Variants in MEX3D observed in about 807,000 individuals in gnomAD.
MEX3D encodes the protein mex-3 RNA binding family member D, also known as RNA-binding protein MEX3D.
A neutral mutation model predicts 6.3 loss-of-function variants in MEX3D; 4 were observed. The ratio of observed to expected loss-of-function variants is 0.64; its 90% CI spans 0.31 to 1.46. MEX3D has a LOEUF of 1.46. Ranked by LOEUF, MEX3D falls within the 40% of genes most tolerant of loss-of-function variation. The pLI is 0.07. For missense variants in MEX3D, 1,038 were observed against 994.4 expected, an observed-to-expected ratio of 1.04 and a Z score of -0.59; for synonymous variants, 626 against 494.1, an observed-to-expected ratio of 1.27 and a Z score of -3.54.
At chr19:1,558,362 C>G (rs533142606) in intron 1 of MEX3D, among the ~76,000 whole-genome samples, 1 of 148,858 alleles carries the variant, frequency 6.7e-6, no homozygotes, top group African/African-American at 2.5e-5. Context: ...AAAGCCTTGT[C>G]TCAAAAAAAG....
chr19:1,559,107 C>T (rs1914655566), intron 1 of MEX3D, among the ~76,000 whole-genome samples: 1 of 152,020 alleles, frequency 6.6e-6, no homozygotes, highest in African/African-American at 2.4e-5. Context: ...CCCACCTCAG[C>T]CTCCAGAGCT....
rs755133894 is a variant in MEX3D, at chr19:1,556,079, G to A, written c.1440C>T (p.Ala480=). ...AGCAGCCGCTGAAGGCGGGCAAGGG[G>A]GCGGCGCGCTCAAAAGGCGCCCAGA... ...ATIWAPFERA[A]PLPAFSGCST... Residue 480 remains alanine, a synonymous_variant, in exon 2 of 2, where the codon GCC becomes GCT. Coordinates refer to ENST00000402693, the MANE Select transcript of MEX3D (RefSeq NM_203304.4). This position sits in a 1 kb window ranked among gnomAD's most constrained non-coding sequence, Gnocchi z 7.5. The A allele has an allele frequency of 3.4e-5, 49 of 1,431,148 alleles. No individual in the cohort carries two copies. Among genetic ancestry groups the A allele is most frequent in the Non-Finnish European group, 4.4e-5 (48 of 1,091,244 alleles). 88.7% of individuals were successfully genotyped at this position (1,431,148 alleles called of 1,614,324 possible). A position where few individuals can be genotyped will look rare whatever the true frequency, so the allele number is the denominator to read the frequency against.
rs577956877 is a variant in MEX3D at position 1,565,354 on chromosome 19, C to G, written c.595+2110G>C. On this transcript the variant is annotated intron_variant, in intron 1 of 1. Coordinates refer to ENST00000402693, the MANE Select transcript of MEX3D (RefSeq NM_203304.4). ...GTCGGGAGTTCGAGACCAGCCTGGA[C>G]AACATGGTGAAACCCCGTCTCTACT... Among the ~76,000 whole-genome samples, 14 of 152,294 alleles carry G rather than the reference C, an allele frequency of 9.2e-5. No homozygotes were observed. In the South Asian group the frequency reaches 2.7e-3, roughly 29 times the overall value.
rs1446556362 is a variant in MEX3D at position 1,567,429 on chromosome 19, C to A, written c.595+35G>T. 1 of 1,545,378 alleles carries A rather than the reference C, an allele frequency of 6.5e-7. No individual in the cohort carries two copies. Among genetic ancestry groups the A allele is most frequent in the Middle Eastern group, 2.2e-4 (1 of 4,506 alleles). ...TCCCCGGGGCGGACGGTGCGGGGAC[C>A]CCCAGGACAGCAACCCCCGACGAGG... On this transcript the variant is annotated intron_variant, in intron 1 of 1. Coordinates refer to ENST00000402693, the MANE Select transcript of MEX3D (RefSeq NM_203304.4). This position sits in a 1 kb window ranked among gnomAD's most constrained non-coding sequence, Gnocchi z 6.5.
chr19:1,567,693 C>G lies in MEX3D; in HGVS notation c.366G>C (p.Gly122=), dbSNP rs886406554. Residue 122 remains glycine (G), a synonymous_variant, in exon 1 of 2, where the codon GGG becomes GGC. Coordinates refer to ENST00000402693, the MANE Select transcript of MEX3D (RefSeq NM_203304.4). The surrounding 1 kb of genome is among the most constrained non-coding windows in gnomAD (Gnocchi z 6.5). ...PPTLAPAVAP[G]SLPLLDPNAS... is the part of the protein sequence containing the mutation. Reference sequence around the variant, plus strand: ...CGTTGGGGTCCAGCAGCGGCAGCGACCCGGGGGCCACGGCGGGGGCCAGGG... The same window carrying G: ...CGTTGGGGTCCAGCAGCGGCAGCGAGCCGGGGGCCACGGCGGGGGCCAGGG... 2 of 1,117,530 alleles carry G rather than the reference C, an allele frequency of 1.8e-6. No homozygotes were observed. The highest frequency in any genetic ancestry group is 2.2e-6 in the Non-Finnish European group (2 of 908,390). 69.2% of individuals were successfully genotyped at this position (1,117,530 alleles called of 1,614,324 possible). A position where few individuals can be genotyped will look rare whatever the true frequency, so the allele number is the denominator to read the frequency against.
chr19:1,562,524 C>CAAAAGAAAAG (rs367551203), intron 1 of MEX3D, among the ~76,000 whole-genome samples: 11 of 151,256 alleles, frequency 7.3e-5, no homozygotes, highest in African/African-American at 2.7e-4. Context: ...GACTCCGCCT[C>CAAAAGAAAAG]AAAAGAAAAG....
chr19:1,561,255 G>A (rs1040226242), intron 1 of MEX3D, among the ~76,000 whole-genome samples: 1 of 152,216 alleles, frequency 6.6e-6, no homozygotes, highest in African/African-American at 2.4e-5. Context: ...TGTGGGAGCC[G>A]AGGCCACCAG....
rs1297091776 is a variant in MEX3D, at chr19:1,555,560, G to A, written c.*3C>T. The A allele has an allele frequency of 5.7e-6, 9 of 1,570,970 alleles. No individual in the cohort carries two copies. The highest frequency in any genetic ancestry group is 5.2e-6 in the Non-Finnish European group (6 of 1,160,932). On this transcript the variant is annotated 3_prime_UTR_variant, in exon 2 of 2. Coordinates refer to ENST00000402693, the MANE Select transcript of MEX3D (RefSeq NM_203304.4). ...TGGCCCCGGCCACGTGGTGGTCCGC[G>A]CTCTAGGAAAAGATATGAATGGCCT...
In MEX3D at chr19:1,567,852, G is replaced by A. The variant is rs1264129864; in HGVS notation, c.207C>T (p.Leu69=). The A allele has an allele frequency of 6.0e-6, 6 of 1,001,834 alleles. No individual in the cohort carries two copies. Among genetic ancestry groups the A allele is most frequent in the Admixed American group, 5.7e-5 (1 of 17,688 alleles). The allele number at this position is 1,001,834 out of a possible 1,614,324, so 62.1% of individuals were successfully genotyped here. Residue 69 remains leucine, a synonymous_variant, in exon 1 of 2, where the codon CTC becomes CTT. Transcript: ENST00000402693. This position sits in a 1 kb window ranked among gnomAD's most constrained non-coding sequence, Gnocchi z 6.5. The stretch of plus-strand genomic sequence containing the variant: ...CCGTGTCGCCAGCGCCCCCCAGCCC[G>A]AGCGCCGACAGCTGGTCCAGCGCCA... ...LRLALDQLSA[L]GLGGAGDTDE...
intron 1 of MEX3D, among the ~76,000 whole-genome samples, chr19:1,564,197 C>G (rs1241780565): frequency 1.3e-5 from 2 of 152,048 alleles, no homozygotes; most frequent in African/African-American, 2.4e-5. Context: ...TGGGGCAGGT[C>G]AAGTCTGGCA....
intron 1 of MEX3D, among the ~76,000 whole-genome samples, chr19:1,557,425 G>A (rs867492977): frequency 6.6e-6 from 1 of 150,868 alleles, no homozygotes; most frequent in South Asian, 2.1e-4. Context: ...AATCATCCGG[G>A]TGTAGCGGCA....
Position 1,556,400 on chromosome 19 carries a change from C to T in MEX3D, c.1119G>A (p.Trp373Ter). The change falls in exon 2 of 2, where the codon TGG becomes TGA. Residue 373 changes from tryptophan (W) to a stop codon, truncating the protein, a stop_gained. Coordinates refer to ENST00000402693, the MANE Select transcript of MEX3D (RefSeq NM_203304.4). LOFTEE classifies it low-confidence loss of function (END_TRUNC). This position sits in a 1 kb window ranked among gnomAD's most constrained non-coding sequence, Gnocchi z 7.5. Reference protein sequence around the residue: ...LDLLGAAASLWAKTPNQGRRP... With the variant: ...LDLLGAAASL ...GTCGTCCCTGGTTGGGGGTCTTGGC[C>T]CAGAGGCTGGCGGCCGCCCCGAGCA... 2.5e-6 allele frequency: 4 copies of T among 1,569,494 alleles called. No homozygotes were observed. Among genetic ancestry groups the T allele is most frequent in the Non-Finnish European group, 3.4e-6 (4 of 1,164,624 alleles).
intron 1 of MEX3D, among the ~76,000 whole-genome samples, chr19:1,557,410 C>T (rs1421933742): frequency 6.9e-6 from 1 of 145,028 alleles, no homozygotes; most frequent in Non-Finnish European, 1.5e-5. Context: ...ACTAAAAATA[C>T]AAGCAATCAT....
chr19:1,562,133 C>T (rs1373768155), intron 1 of MEX3D, among the ~76,000 whole-genome samples: 11 of 151,630 alleles, frequency 7.3e-5, no homozygotes, highest in African/African-American at 2.7e-4. Flanking sequence ...TGGTGGTGGG[C>T]GCCTGTAGTC....
chr19:1,557,564 T>TA (rs541363387), intron 1 of MEX3D, among the ~76,000 whole-genome samples: 2,854 of 110,774 alleles, frequency 0.026, 39 homozygotes, highest in African/African-American at 0.052. Context: ...AGACTCCAAC[T>TA]AAAAAAAAAA....
At chr19:1,565,307 G>T (rs1914811911) in intron 1 of MEX3D, among the ~76,000 whole-genome samples, 2 of 152,160 alleles carry the variant, frequency 1.3e-5, no homozygotes, top group Admixed American at 1.3e-4. Context: ...TTTGGGAGGT[G>T]GAGGTGGGCG....
intron 1 of MEX3D, among the ~76,000 whole-genome samples, chr19:1,560,493 G>A (rs1235227141): frequency 2.0e-5 from 3 of 152,234 alleles, no homozygotes; most frequent in East Asian, 3.8e-4. Context: ...CGGGTCCCCA[G>A]AGGGTCACAC....
chr19:1,559,036 G>A (rs1458941679), intron 1 of MEX3D, among the ~76,000 whole-genome samples: 2 of 151,210 alleles, frequency 1.3e-5, no homozygotes, highest in East Asian at 3.9e-4. Context: ...TACCCAGGCT[G>A]GAGTGCAGTG....
Position 1,568,289 on chromosome 19 carries a change from GCGGCGGCGGCTCCT to G in MEX3D, c.-245_-232del, listed in dbSNP as rs1914911531. Among the ~76,000 whole-genome samples the G allele has an allele frequency of 7.0e-6, 1 of 142,040 alleles. No homozygotes were observed. The highest frequency in any genetic ancestry group is 1.6e-5 in the Non-Finnish European group (1 of 64,184). The allele number at this position is 142,040 out of a possible 152,430, so 93.2% of individuals were successfully genotyped here. On this transcript the variant is annotated 5_prime_UTR_variant, in exon 1 of 2. Coordinates refer to ENST00000402693, the MANE Select transcript of MEX3D (RefSeq NM_203304.4). The stretch of plus-strand genomic sequence containing the variant: ...CTGCGGCTCGGCGGCGGCGGCGACG[GCGGCGGCGGCTCCT>G]CGGCGGCCGAGGCGGCGGCGGCGGC...
Sources: allele counts gnomAD v4.1 joint callset (sites outside exome capture counted in the v4.1 genomes callset), GRCh38; gene constraint gnomAD v4.1.1; non-coding constraint Gnocchi (gnomAD v3.1); transcripts MANE v1.5; gene names NCBI Gene and HGNC (gene_info 2026-07-23, HGNC 2026-07-21).